The following SVIL variants were observed in gnomAD, a reference collection of about 807,000 sequenced individuals.
SVIL encodes the protein archvillin.
SVIL carries 101 observed loss-of-function variants against 240.4 expected under a neutral mutation model. That is an observed-to-expected ratio of 0.42 (90% confidence interval 0.36 to 0.50). The LOEUF is 0.50. SVIL is among the 20% of genes least tolerant of loss of function. SVIL has a pLI of 0.01. For synonymous variants in SVIL, 999 were observed against 1,100.0 expected (o/e 0.91, Z 1.82); for missense variants, 2,512 against 2,818.7 (o/e 0.89, Z 2.46).
intron 1 of SVIL, among the ~76,000 whole-genome samples, chr10:29,620,928 T>A (rs560371537): frequency 6.6e-5 from 10 of 152,160 alleles, no homozygotes; most frequent in African/African-American, 1.9e-4. Flanking sequence ...ATCCCTGACT[T>A]TTTAAATAAA....
Position 29,535,978 on chromosome 10 carries a change from C to T in SVIL, c.908+11G>A, listed in dbSNP as rs772178436. 6 of 1,613,818 alleles carry T rather than the reference C, an allele frequency of 3.7e-6. No individual in the cohort carries two copies. The Admixed American group carries it at 5.0e-5, about 13-fold the overall frequency. ...ATGCACACAAGCCCCAGAGGGCCGG[C>T]GTGCGGGTACCTGGAAGGCCAGTTG... On this transcript the variant is annotated intron_variant, in intron 7 of 37. Coordinates refer to ENST00000355867, the MANE Select transcript of SVIL (RefSeq NM_021738.3).
intron 1 of SVIL, among the ~76,000 whole-genome samples, chr10:29,709,975 C>G (rs779296580): frequency 6.6e-6 from 1 of 152,064 alleles, no homozygotes; most frequent in Non-Finnish European, 1.5e-5. Flanking sequence ...TTTGGGGGTG[C>G]GCGAGAGGCA....
At chr10:29,577,647 G>A (rs914364298) in intron 1 of SVIL, among the ~76,000 whole-genome samples, 2 of 151,970 alleles carry the variant, frequency 1.3e-5, no homozygotes, top group South Asian at 2.1e-4. Flanking sequence ...ATAAATATGC[G>A]GGTGCATGTG....
chr10:29,667,669 T>C (rs1239447837), intron 2 of SVIL, among the ~76,000 whole-genome samples: 2 of 151,886 alleles, frequency 1.3e-5, no homozygotes, highest in Non-Finnish European at 2.9e-5. Context: ...CTGGGAAACA[T>C]AGCAAGACCA....
At chr10:29,641,023 C>G (rs968296906) in intron 3 of SVIL, among the ~76,000 whole-genome samples, 3 of 152,108 alleles carry the variant, frequency 2.0e-5, no homozygotes, top group African/African-American at 7.3e-5. Context: ...ACATGGCAAA[C>G]TTTTTGTCTT....
chr10:29,522,450 G>A lies in SVIL; in HGVS notation c.3349C>T (p.Leu1117Phe). ...ATGGTTTTGCTGGGTGAGTCAAGAA[G>A]GCCCTCCCCTGTCGGCGTTTTGATC... Reference protein sequence around the residue: ...GEIKTPTGEGLLDSPSKTMSI... With the variant: ...GEIKTPTGEGFLDSPSKTMSI... The change falls in exon 16 of 38, where the codon CTT (leucine) becomes TTT (phenylalanine). Residue 1117 changes from leucine (L) to phenylalanine (F), a missense_variant. By Grantham distance (22) the Leu-to-Phe change is conservative. Coordinates refer to ENST00000355867, the MANE Select transcript of SVIL (RefSeq NM_021738.3). 6 of 1,614,094 alleles carry A rather than the reference G, an allele frequency of 3.7e-6. No homozygotes were observed. Among genetic ancestry groups the A allele is most frequent in the Non-Finnish European group, 5.1e-6 (6 of 1,180,026 alleles).
chr10:29,642,107 C>T (rs892546469), intron 3 of SVIL, among the ~76,000 whole-genome samples: 2 of 152,030 alleles, frequency 1.3e-5, no homozygotes, highest in African/African-American at 4.8e-5. Flanking sequence ...ACTTAGAAAA[C>T]CCCTAATCTG....
upstream of SVIL, among the ~76,000 whole-genome samples, chr10:29,736,430 G>T (rs1310545954): frequency 2.6e-5 from 4 of 152,214 alleles, no homozygotes; most frequent in Admixed American, 2.6e-4. Flanking sequence ...GGAGATGCGG[G>T]GCTTTAGGAT....
At chr10:29,654,151 T>C (rs1164312849) in intron 3 of SVIL, among the ~76,000 whole-genome samples, 1 of 152,200 alleles carries the variant, frequency 6.6e-6, no homozygotes, top group Non-Finnish European at 1.5e-5. Flanking sequence ...ATTTTTAAAA[T>C]ATTGTTTTCT....
chr10:29,652,269 G>C lies in SVIL; in HGVS notation c.-201+5700C>G, dbSNP rs941734782. On this transcript the variant is annotated intron_variant, in intron 3 of 35. Transcript: ENST00000375400. ...CTACTTTGTGTCTATGGATTTGCCT[G>C]TTCTAGAAATTTCACATAAAAGGAA... is the stretch of plus-strand genomic sequence containing the variant. Among the ~76,000 whole-genome samples, 3 of 152,112 alleles carry C rather than the reference G, an allele frequency of 2.0e-5. No individual in the cohort carries two copies. The East Asian group carries it at 5.8e-4, about 29-fold the overall frequency.
At chr10:29,675,010 C>T (rs555213734) in intron 2 of SVIL, among the ~76,000 whole-genome samples, 24 of 152,328 alleles carry the variant, frequency 1.6e-4, no homozygotes, top group Admixed American at 2.6e-4. Flanking sequence ...ACAGCTGACT[C>T]GCAACCTTAA....
At chr10:29,657,281 CA>C (rs1459076583) in intron 3 of SVIL, among the ~76,000 whole-genome samples, 1 of 152,160 alleles carries the variant, frequency 6.6e-6, no homozygotes, top group African/African-American at 2.4e-5. Flanking sequence ...ATTTAATGAA[CA>C]AATGGAACAC....
intron 2 of SVIL, among the ~76,000 whole-genome samples, chr10:29,679,378 A>G (rs1960449792): frequency 6.6e-6 from 1 of 152,194 alleles, no homozygotes; most frequent in Non-Finnish European, 1.5e-5. Flanking sequence ...GTGAAGCCAC[A>G]ATTTAAGAAA....
rs569552679 is a variant in SVIL at position 29,584,445 on chromosome 10, T to C, written c.-200-15133A>G. 2.3e-3 allele frequency among the ~76,000 whole-genome samples: 351 copies of C among 152,292 alleles called. 5 individuals are homozygous for C. The highest frequency in any genetic ancestry group is 1.0e-3 in the South Asian group (5 of 4,826). ...GCCACCACTGCATGCACAGGGGGTCTGGACTGTTTGTTTTGGGGTATGTGA... is the reference window on the plus strand; with the variant it reads ...GCCACCACTGCATGCACAGGGGGTCCGGACTGTTTGTTTTGGGGTATGTGA... On this transcript the variant is annotated intron_variant, in intron 1 of 37. Transcript: ENST00000355867.
At chr10:29,622,048 A>G (rs1957668057) in intron 1 of SVIL, among the ~76,000 whole-genome samples, 1 of 151,606 alleles carries the variant, frequency 6.6e-6, no homozygotes, top group South Asian at 2.1e-4. Context: ...CAGGAGATCG[A>G]GACCATCCTG....
At chr10:29,697,537 A>C (rs1401476635) in intron 1 of SVIL, among the ~76,000 whole-genome samples, 1 of 96,012 alleles carries the variant, frequency 1.0e-5, no homozygotes, top group Non-Finnish European at 2.0e-5. Flanking sequence ...GTGCTCTCTG[A>C]AATATGTGCT....
At chr10:29,644,938 T>TGGGAGGC (rs1340377913) in intron 3 of SVIL, among the ~76,000 whole-genome samples, 1 of 148,804 alleles carries the variant, frequency 6.7e-6, no homozygotes, top group Non-Finnish European at 1.5e-5. Flanking sequence ...TGGTGGGAGG[T>TGGGAGGC]GGGAGGCTGA....
chr10:29,531,951 T>C (rs755047350), intron 9 of SVIL, 51 bp downstream of exon 9: 2 of 1,599,478 alleles, frequency 1.3e-6, no homozygotes, highest in Non-Finnish European at 8.5e-7. Flanking sequence ...GTAAAACTCC[T>C]GTGTCATTGC....
intron 10 of SVIL, 106 bp downstream of exon 10, chr10:29,531,148 C>G: frequency 9.3e-7 from 1 of 1,071,402 alleles, no homozygotes; most frequent in Non-Finnish European, 1.4e-6. Context: ...AAGGGAGACA[C>G]TGTTATGCTC....
Sources: gnomAD v4.1 joint callset for allele counts (sites outside exome capture counted in the v4.1 genomes callset) on GRCh38, gnomAD v4.1.1 for gene constraint, MANE v1.5 for transcripts, NCBI Gene and HGNC (gene_info 2026-07-23, HGNC 2026-07-21) for gene names.